SPTSSA: variants seen among roughly 807,000 people sequenced by gnomAD.
SPTSSA encodes serine palmitoyltransferase small subunit A.
SPTSSA carries 8 observed loss-of-function variants against 9.1 expected under a neutral mutation model. That is an observed-to-expected ratio of 0.88 (90% CI 0.51 to 1.58). The LOEUF is 1.58. SPTSSA is among the 40% of genes most tolerant of loss of function. The pLI, the probability that SPTSSA is intolerant of heterozygous loss-of-function variation, is 0.00. For synonymous variants in SPTSSA, 42 were observed against 37.7 expected (o/e 1.11, Z -0.41); for missense variants, 100 against 93.8 (o/e 1.07, Z -0.27).
intron 1 of SPTSSA, among the ~76,000 whole-genome samples, chr14:34,449,012 G>GT (rs1883472915): frequency 6.6e-6 from 1 of 151,884 alleles, no homozygotes; most frequent in African/African-American, 2.4e-5. Context: ...AAGATAAAAA[G>GT]TTTTTTAAAA....
At chr14:34,435,341 T>C (rs1382552272) in intron 1 of SPTSSA, 37 bp from the exon 2 acceptor site, 2 of 1,453,632 alleles carry the variant, frequency 1.4e-6, no homozygotes, top group Non-Finnish European at 1.9e-6. Flanking sequence ...ATTATTAATT[T>C]ATTCAAAACT....
At chr14:34,452,855 A>G (rs548840173) in intron 1 of SPTSSA, among the ~76,000 whole-genome samples, 20 of 152,308 alleles carry the variant, frequency 1.3e-4, no homozygotes, top group Admixed American at 1.1e-3. Flanking sequence ...CAGGAGCTAT[A>G]TTCCTTCATA....
At chr14:34,459,491 AT>A (rs1343142361) in intron 1 of SPTSSA, among the ~76,000 whole-genome samples, 1 of 148,640 alleles carries the variant, frequency 6.7e-6, no homozygotes, top group African/African-American at 2.5e-5. Context: ...AAAGAAGAAA[AT>A]TAATCTGGCC....
chr14:34,447,052 C>T (rs1026920326), intron 1 of SPTSSA, among the ~76,000 whole-genome samples: 1 of 151,610 alleles, frequency 6.6e-6, no homozygotes, highest in African/African-American at 2.4e-5. Flanking sequence ...AGTGAAACCG[C>T]GTCTCTACTA....
chr14:34,448,173 T>C (rs1883455956), intron 1 of SPTSSA, among the ~76,000 whole-genome samples: 1 of 152,006 alleles, frequency 6.6e-6, no homozygotes, highest in Admixed American at 6.6e-5. Context: ...GGAGAATCGC[T>C]TGAACTCGGG....
At chr14:34,447,595 A>T (rs1236098754) in intron 1 of SPTSSA, among the ~76,000 whole-genome samples, 1 of 152,140 alleles carries the variant, frequency 6.6e-6, no homozygotes, top group Non-Finnish European at 1.5e-5. Flanking sequence ...AGTTTTGCTC[A>T]TACTCTCACC....
At chr14:34,455,680 C>T (rs1335290652) in intron 1 of SPTSSA, among the ~76,000 whole-genome samples, 2 of 152,008 alleles carry the variant, frequency 1.3e-5, no homozygotes, top group African/African-American at 2.4e-5. Context: ...ACCTGTAATC[C>T]CAGCACTTTG....
intron 1 of SPTSSA, among the ~76,000 whole-genome samples, chr14:34,443,979 G>A (rs535627323): frequency 1.3e-4 from 20 of 152,286 alleles, no homozygotes; most frequent in African/African-American, 2.2e-4. Context: ...TGCTAGGGCC[G>A]CTCAGGGATA....
rs111992878 is a variant in SPTSSA, at chr14:34,453,850, A to G, written c.112+8246T>C. ...ACATCTTCTAGAACACATAGCTTAA[A>G]TTACTAAATTTGAGCATTTGGGGTT... On this transcript the variant is annotated intron_variant, in intron 1 of 1. Coordinates refer to ENST00000298130, the MANE Select transcript of SPTSSA (RefSeq NM_138288.4). Among the ~76,000 whole-genome samples, 214 of 151,862 alleles carry G rather than the reference A, an allele frequency of 1.4e-3. 2 individuals are homozygous for G. Among genetic ancestry groups the G allele is most frequent in the African/African-American group, 4.5e-3 (188 of 41,326 alleles).
intron 1 of SPTSSA, among the ~76,000 whole-genome samples, chr14:34,439,707 T>C (rs1883290131): frequency 6.6e-6 from 1 of 152,214 alleles, no homozygotes; most frequent in African/African-American, 2.4e-5. Context: ...AGAATAAGAC[T>C]GGCAGCAGCA....
rs1878633025 is a variant in SPTSSA at position 34,462,093 on chromosome 14, T to A, written c.112+3A>T. On this transcript the variant is annotated splice_donor_region_variant and intron_variant, in intron 1 of 1. Transcript: ENST00000298130. ...CCCCGCGCGCGCGGCCGGGACAGGA[T>A]ACTGAACACCGTCCGCTCCCAGGGC... 1.3e-6 allele frequency: 2 copies of A among 1,484,892 alleles called. No homozygotes were observed. Among genetic ancestry groups the A allele is most frequent in the Non-Finnish European group, 9.0e-7 (1 of 1,109,962 alleles). 92.0% of individuals were successfully genotyped at this position (1,484,892 alleles called of 1,614,324 possible).
intron 1 of SPTSSA, among the ~76,000 whole-genome samples, chr14:34,437,473 A>C (rs1404423786): frequency 6.6e-6 from 1 of 152,210 alleles, no homozygotes; most frequent in Admixed American, 6.5e-5. Context: ...ATCTTCATGG[A>C]TAACCCCTGA....
At chr14:34,461,987 G>A (rs1392234777) in intron 1 of SPTSSA, 109 bp downstream of exon 1, 7 of 646,700 alleles carry the variant, frequency 1.1e-5, no homozygotes, top group Non-Finnish European at 1.1e-5. Context: ...GCACAGGACC[G>A]GCGGGGCCGC....
At chr14:34,451,191 T>C (rs1169995327) in intron 1 of SPTSSA, among the ~76,000 whole-genome samples, 1 of 152,116 alleles carries the variant, frequency 6.6e-6, no homozygotes, top group East Asian at 1.9e-4. Flanking sequence ...CATCACCCAC[T>C]TTAGTAATCT....
At chr14:34,459,435 G>A (rs568693024) in intron 1 of SPTSSA, among the ~76,000 whole-genome samples, 5 of 147,078 alleles carry the variant, frequency 3.4e-5, no homozygotes, top group African/African-American at 1.0e-4. Flanking sequence ...CTCCAGCCTC[G>A]GCAACAGAGC....
chr14:34,460,286 T>C (rs1878589774), intron 1 of SPTSSA, among the ~76,000 whole-genome samples: 1 of 152,206 alleles, frequency 6.6e-6, no homozygotes, highest in African/African-American at 2.4e-5. Flanking sequence ...GATTTTTTTA[T>C]CTTAAGTTTA....
chr14:34,447,089 T>C (rs1883434166), intron 1 of SPTSSA, among the ~76,000 whole-genome samples: 2 of 151,868 alleles, frequency 1.3e-5, no homozygotes, highest in African/African-American at 4.8e-5. Flanking sequence ...CCGGCCGTGG[T>C]GGCAGGCACC....
chr14:34,454,978 T>C (rs1237123445), intron 1 of SPTSSA, among the ~76,000 whole-genome samples: 2 of 151,780 alleles, frequency 1.3e-5, no homozygotes, highest in Admixed American at 6.6e-5. Flanking sequence ...TCCCAGCTAC[T>C]CGTGAGGCTG....
rs539230137 is a variant in SPTSSA, at chr14:34,447,333, G to A, written c.113-12029C>T. On this transcript the variant is annotated intron_variant, in intron 1 of 1. Coordinates refer to ENST00000298130, the MANE Select transcript of SPTSSA (RefSeq NM_138288.4). ...TTTAGGTGGTTTGGTATGGTGACCC[G>A]GGTAAGGAGCATACTCCGAACTCTT... is the stretch of plus-strand genomic sequence containing the variant. Among the ~76,000 whole-genome samples the A allele has an allele frequency of 1.2e-4, 18 of 151,748 alleles. No individual in the cohort carries two copies. In the South Asian group the frequency reaches 1.5e-3, roughly 12 times the overall value.
Sources: gnomAD v4.1 joint callset for allele counts (sites outside exome capture counted in the v4.1 genomes callset) on GRCh38, gnomAD v4.1.1 for gene constraint, MANE v1.5 for transcripts, NCBI Gene and HGNC (gene_info 2026-07-23, HGNC 2026-07-21) for gene names.